The following CCSER1 variants were observed in gnomAD, a reference collection of about 807,000 sequenced individuals.
CCSER1 encodes the protein coiled-coil serine rich protein 1.
A neutral mutation model predicts 82.0 loss-of-function variants in CCSER1; 41 were observed. That is an observed-to-expected ratio of 0.50 (90% CI 0.39 to 0.65). The LOEUF (loss-of-function observed/expected upper bound fraction) is 0.65. Among genes scored for constraint, CCSER1 ranks in the 30% least tolerant of loss-of-function variants. CCSER1 has a pLI of 0.00. For missense variants in CCSER1, 1,119 were observed against 1,064.2 expected, an observed-to-expected ratio of 1.05 and a Z score of -0.72; for synonymous variants, 414 against 383.9, an observed-to-expected ratio of 1.08 and a Z score of -0.92.
At chr4:91,573,571 A>G (rs1224023878) in intron 10 of CCSER1, among the ~76,000 whole-genome samples, 1 of 152,212 alleles carries the variant, frequency 6.6e-6, no homozygotes, top group African/African-American at 2.4e-5. Flanking sequence ...GCAAAGATCC[A>G]TAGGAGAAGT....
At chr4:90,209,544 T>A (rs998324192) in intron 1 of CCSER1, among the ~76,000 whole-genome samples, 1 of 152,134 alleles carries the variant, frequency 6.6e-6, no homozygotes, top group Non-Finnish European at 1.5e-5. Context: ...CCATGACCTT[T>A]GCCTAAAAAA....
chr4:90,749,514 T>A (rs779845086), intron 7 of CCSER1, among the ~76,000 whole-genome samples: 6 of 152,052 alleles, frequency 3.9e-5, no homozygotes, highest in South Asian at 2.1e-4. Flanking sequence ...TTGACTTGGC[T>A]ATGCGGGCTC....
intron 9 of CCSER1, among the ~76,000 whole-genome samples, chr4:91,005,041 C>A (rs985609104): frequency 6.6e-6 from 1 of 152,146 alleles, no homozygotes; most frequent in Non-Finnish European, 1.5e-5. Flanking sequence ...TCCTGGACAT[C>A]CCTTTCCAAA....
chr4:91,129,679 G>C (rs1431442360), intron 10 of CCSER1, among the ~76,000 whole-genome samples: 1 of 151,954 alleles, frequency 6.6e-6, no homozygotes, highest in Admixed American at 6.6e-5. Flanking sequence ...CGAAGAGTGG[G>C]AAAAAGACAG....
chr4:91,322,712 A>C (rs917062979), intron 10 of CCSER1, among the ~76,000 whole-genome samples: 23 of 152,154 alleles, frequency 1.5e-4, no homozygotes, highest in African/African-American at 5.1e-4. Context: ...ATGTCTTTTC[A>C]GTGCATGACT....
chr4:90,657,395 T>C (rs1729891501), intron 6 of CCSER1, among the ~76,000 whole-genome samples: 1 of 152,192 alleles, frequency 6.6e-6, no homozygotes, highest in Admixed American at 6.5e-5. Context: ...TTTATTTGTT[T>C]GCTGTTTATG....
At chr4:90,725,911 T>G (rs1411211399) in intron 7 of CCSER1, among the ~76,000 whole-genome samples, 1 of 151,908 alleles carries the variant, frequency 6.6e-6, no homozygotes. Context: ...AATAAAAGGT[T>G]GTCTTTTTCA....
At chr4:90,169,191 C>T (rs1359278041) in intron 1 of CCSER1, among the ~76,000 whole-genome samples, 2 of 151,984 alleles carry the variant, frequency 1.3e-5, no homozygotes. Flanking sequence ...AGGTCCTTCA[C>T]ATCCCTTGTA....
intron 10 of CCSER1, among the ~76,000 whole-genome samples, chr4:91,375,537 A>G (rs921070653): frequency 1.3e-4 from 19 of 149,916 alleles, no homozygotes; most frequent in Non-Finnish European, 2.7e-4. Flanking sequence ...TTTTTTTTTA[A>G]GACAACTAAA....
intron 10 of CCSER1, among the ~76,000 whole-genome samples, chr4:91,175,357 C>T (rs945894747): frequency 2.6e-5 from 4 of 152,046 alleles, no homozygotes; most frequent in Non-Finnish European, 5.9e-5. Flanking sequence ...ATCACTGGCT[C>T]AAATGGTATT....
chr4:91,370,532 T>C, intron 10 of CCSER1, among the ~76,000 whole-genome samples: 1 of 151,902 alleles, frequency 6.6e-6, no homozygotes, highest in Admixed American at 6.6e-5. Flanking sequence ...CTGTCTCTAC[T>C]AAAAATATGA....
At chr4:90,984,014 A>T (rs568857055) in intron 9 of CCSER1, among the ~76,000 whole-genome samples, 1 of 151,916 alleles carries the variant, frequency 6.6e-6, no homozygotes, top group Non-Finnish European at 1.5e-5. Context: ...GATACTTCTC[A>T]GTATAAGTGA....
intron 3 of CCSER1, among the ~76,000 whole-genome samples, chr4:90,331,329 G>A (rs965411944): frequency 6.6e-6 from 1 of 152,046 alleles, no homozygotes; most frequent in Non-Finnish European, 1.5e-5. Context: ...CCACCTAATG[G>A]ACAAATAAAG....
intron 10 of CCSER1, among the ~76,000 whole-genome samples, chr4:91,433,237 CTA>C (rs1399596371): frequency 2.6e-5 from 4 of 152,126 alleles, no homozygotes; most frequent in Admixed American, 2.6e-4. Flanking sequence ...CAATGACAAA[CTA>C]TATATTGTCT....
At chr4:90,963,880 C>T (rs1355562359) in intron 9 of CCSER1, among the ~76,000 whole-genome samples, 1 of 152,134 alleles carries the variant, frequency 6.6e-6, no homozygotes, top group Non-Finnish European at 1.5e-5. Context: ...AATAGGGCTT[C>T]AAGAAGTTAG....
At position 90,710,382 on chromosome 4, in the gene CCSER1, T is replaced by G. The variant is rs1740338350; in HGVS notation, c.1933-13532T>G. On this transcript the variant is annotated intron_variant, in intron 6 of 10. Coordinates refer to ENST00000509176, the MANE Select transcript of CCSER1 (RefSeq NM_001145065.2). ...GCTTTTGCTGAAATTGCTTTTGGTA[T>G]TTTTATCATGAAATCTTTGCTCATG... 2.0e-5 allele frequency among the ~76,000 whole-genome samples: 3 copies of G among 152,318 alleles called. No individual in the cohort carries two copies. In the South Asian group the frequency reaches 6.2e-4, roughly 32 times the overall value.
At chr4:90,531,768 T>C (rs372866232) in intron 5 of CCSER1, among the ~76,000 whole-genome samples, 1 of 152,170 alleles carries the variant, frequency 6.6e-6, no homozygotes, top group South Asian at 2.1e-4. Flanking sequence ...CATACACGCA[T>C]GCATACATAC....
chr4:90,667,945 T>C (rs900181056), intron 6 of CCSER1, among the ~76,000 whole-genome samples: 39 of 152,202 alleles, frequency 2.6e-4, no homozygotes, highest in Non-Finnish European at 1.6e-4. Flanking sequence ...TGTCATTTGG[T>C]TCAATAATGC....
At chr4:90,705,499 G>A (rs1180224446) in intron 6 of CCSER1, among the ~76,000 whole-genome samples, 3 of 152,188 alleles carry the variant, frequency 2.0e-5, no homozygotes, top group Non-Finnish European at 4.4e-5. Context: ...CTCTTCAAAG[G>A]TGTCAGACAG....
Sources: allele counts gnomAD v4.1 joint callset (sites outside exome capture counted in the v4.1 genomes callset), GRCh38; gene constraint gnomAD v4.1.1; transcripts MANE v1.5; gene names NCBI Gene and HGNC (gene_info 2026-07-23, HGNC 2026-07-21).